The following ANK2 variants were observed in gnomAD, a reference collection of about 807,000 sequenced individuals.
ANK2 encodes the protein ankyrin-2.
A neutral mutation model predicts 360.5 loss-of-function variants in ANK2; 83 were observed. The ratio of observed to expected loss-of-function variants is 0.23; its 90% confidence interval spans 0.19 to 0.28. The LOEUF (loss-of-function observed/expected upper bound fraction) is 0.28, where lower values mean the gene tolerates loss of function less well. Ranked by LOEUF, ANK2 falls within the 10% of genes least tolerant of loss-of-function variation. The pLI, the probability that ANK2 is intolerant of heterozygous loss-of-function variation, is 1.00. For missense variants in ANK2, 4,201 were observed against 4,795.7 expected, an observed-to-expected ratio of 0.88 and a Z score of 3.66; for synonymous variants, 1,740 against 1,759.5, an observed-to-expected ratio of 0.99 and a Z score of 0.28.
the ANK2 span, among the ~76,000 whole-genome samples, chr4:112,721,219 C>T: frequency 6.6e-6 from 1 of 152,006 alleles, no homozygotes; most frequent in Non-Finnish European, 1.5e-5. Context: ...ATGGAGGCTC[C>T]TTTATCATCT....
intron 1 of ANK2, among the ~76,000 whole-genome samples, chr4:113,061,044 A>G (rs572813115): frequency 1.3e-5 from 2 of 152,122 alleles, no homozygotes; most frequent in East Asian, 3.9e-4. Flanking sequence ...TTAAAGAACC[A>G]GTAGGACTGA....
At position 113,356,135 on chromosome 4, in the gene ANK2, G is replaced by C; in HGVS notation, c.7517G>C (p.Arg2506Pro). The C allele has an allele frequency of 6.2e-7, 1 of 1,614,066 alleles. No homozygotes were observed. Among genetic ancestry groups the C allele is most frequent in the Middle Eastern group, 1.7e-4 (1 of 6,058 alleles). Residue 2506 changes from arginine to proline, a missense_variant, in exon 38 of 46, where the codon CGG becomes CCG. Transcript: ENST00000357077. ...TELLTEVASV[R>P]SRLLRDPDGS... ...CTCTTGACGGAAGTGGCCTCTGTGCGGTCCCGGCTACTCCGAGACCCTGAT... is the reference window on the plus strand; with the variant it reads ...CTCTTGACGGAAGTGGCCTCTGTGCCGTCCCGGCTACTCCGAGACCCTGAT...
intron 45 of ANK2, 94 bp from the exon 46 acceptor site, chr4:113,381,363 C>A: frequency 7.5e-7 from 1 of 1,324,774 alleles, no homozygotes; most frequent in Non-Finnish European, 1.1e-6. Flanking sequence ...AAAGGTAAGA[C>A]ATTAGGTACT....
chr4:113,292,383 G>C, intron 20 of ANK2, 33 bp from the exon 21 acceptor site: 1 of 1,570,366 alleles, frequency 6.4e-7, no homozygotes, highest in Non-Finnish European at 8.7e-7. Flanking sequence ...TCTGCCAATC[G>C]GGTGCTGGGC....
chr4:113,065,286 A>T (rs1210361379), intron 1 of ANK2, among the ~76,000 whole-genome samples: 5 of 152,206 alleles, frequency 3.3e-5, no homozygotes, highest in Admixed American at 1.3e-4. Flanking sequence ...CACCTCTCAA[A>T]TTCTACAGGA....
chr4:112,939,451 A>G (rs139390340), intron 2 of ANK2, among the ~76,000 whole-genome samples: 4,752 of 151,242 alleles, frequency 0.031, 185 homozygotes, highest in African/African-American at 0.092. Flanking sequence ...CTGGGATTAC[A>G]GGCGTGTGCC....
At chr4:113,003,288 C>G (rs1329510645) in intron 2 of ANK2, among the ~76,000 whole-genome samples, 1 of 152,088 alleles carries the variant, frequency 6.6e-6, no homozygotes, top group Non-Finnish European at 1.5e-5. Context: ...ATAGGCATGA[C>G]ATGTTTTTGC....
chr4:113,095,878 G>A (rs2090826156), intron 1 of ANK2, among the ~76,000 whole-genome samples: 5 of 152,274 alleles, frequency 3.3e-5, no homozygotes, highest in Middle Eastern at 3.4e-3. Context: ...AGTCTGGTGA[G>A]CCACTTCGTT....
chr4:113,169,362 G>T (rs1456695917), intron 1 of ANK2, among the ~76,000 whole-genome samples: 1 of 151,998 alleles, frequency 6.6e-6, no homozygotes, highest in Non-Finnish European at 1.5e-5. Flanking sequence ...TATTTTCCTG[G>T]TATTCTTATT....
At chr4:113,090,102 A>G (rs778435632) in intron 1 of ANK2, among the ~76,000 whole-genome samples, 6 of 152,220 alleles carry the variant, frequency 3.9e-5, no homozygotes, top group Non-Finnish European at 7.3e-5. Context: ...GTGAAATCAT[A>G]TCTTGGGAAT....
At chr4:113,078,067 T>A (rs1160543643) in intron 1 of ANK2, among the ~76,000 whole-genome samples, 3 of 152,208 alleles carry the variant, frequency 2.0e-5, no homozygotes, top group Admixed American at 6.5e-5. Flanking sequence ...TCCTGTAAAG[T>A]ATATAAGTGG....
At chr4:112,788,488 T>G in the ANK2 span, 1 of 1,590,574 alleles carries the variant, frequency 6.3e-7, no homozygotes, top group African/African-American at 1.3e-5. Flanking sequence ...GGACAGGTGG[T>G]CTCTTGGTGG....
intron 19 of ANK2, 39 bp downstream of exon 19, chr4:113,287,742 C>T: frequency 6.5e-7 from 1 of 1,544,536 alleles, no homozygotes; most frequent in Non-Finnish European, 8.9e-7. Context: ...CAGGTTCTGG[C>T]TGGGATGATT....
At chr4:112,912,631 C>T (rs1461155886) in intron 2 of ANK2, among the ~76,000 whole-genome samples, 1 of 152,004 alleles carries the variant, frequency 6.6e-6, no homozygotes, top group East Asian at 1.9e-4. Context: ...ATAGCCCACA[C>T]TATGGTTTCT....
the ANK2 span, among the ~76,000 whole-genome samples, chr4:112,753,417 G>A: frequency 6.6e-6 from 1 of 152,166 alleles, no homozygotes; most frequent in Non-Finnish European, 1.5e-5. Context: ...AGATGTTAGA[G>A]CCTACTACAC....
At chr4:113,210,857 C>G (rs937497251) in intron 4 of ANK2, among the ~76,000 whole-genome samples, 3 of 152,134 alleles carry the variant, frequency 2.0e-5, no homozygotes, top group Non-Finnish European at 4.4e-5. Context: ...TTTGTTGGTT[C>G]TTTAGGTCCT....
intron 2 of ANK2, among the ~76,000 whole-genome samples, chr4:112,919,365 C>G (rs982914145): frequency 6.6e-6 from 1 of 151,974 alleles, no homozygotes; most frequent in African/African-American, 2.4e-5. Flanking sequence ...TATGTAAAAA[C>G]AAGCATTATT....
chr4:113,074,480 TATAAA>T (rs1237675713), intron 1 of ANK2, among the ~76,000 whole-genome samples: 1 of 152,176 alleles, frequency 6.6e-6, no homozygotes, highest in Non-Finnish European at 1.5e-5. Flanking sequence ...CAACAGCTGA[TATAAA>T]AGGAAGTGAA....
chr4:113,273,877 G>A (rs2059345918), intron 14 of ANK2, among the ~76,000 whole-genome samples: 1 of 152,166 alleles, frequency 6.6e-6, no homozygotes, highest in Non-Finnish European at 1.5e-5. Context: ...AGTTCTGGAT[G>A]CAAGTTCCAG....
Sources: gnomAD v4.1 joint callset for allele counts (sites outside exome capture counted in the v4.1 genomes callset) on GRCh38, gnomAD v4.1.1 for gene constraint, MANE v1.5 for transcripts, NCBI Gene and HGNC (gene_info 2026-07-23, HGNC 2026-07-21) for gene names.